The following TMEM165 variants were observed in gnomAD, a reference collection of about 807,000 sequenced individuals.
The protein encoded by TMEM165 is transmembrane protein 165.
TMEM165 carries 19 observed loss-of-function variants against 30.0 expected under a neutral mutation model. The observed-to-expected ratio is 0.63, with a 90% CI of 0.44 to 0.93. The LOEUF (loss-of-function observed/expected upper bound fraction) is 0.93, where lower values mean the gene tolerates loss of function less well. Ranked by LOEUF, TMEM165 falls within the 40% of genes least tolerant of loss-of-function variation. TMEM165 has a pLI of 0.00. For synonymous variants in TMEM165, 168 were observed against 162.9 expected (o/e 1.03, Z -0.24); for missense variants, 340 against 417.0 (o/e 0.82, Z 1.61).
At chr4:55,403,224 GT>G in intron 1 of TMEM165, 3 of 1,282,930 alleles carry the variant, frequency 2.3e-6, no homozygotes, top group African/African-American at 1.5e-5. Flanking sequence ...CTTTGTTTCT[GT>G]TTTTTTGCAG....
chr4:55,421,375 A>G (rs2109560487), intron 4 of TMEM165, among the ~76,000 whole-genome samples: 1 of 134,658 alleles, frequency 7.4e-6, no homozygotes, highest in East Asian at 2.2e-4. Context: ...ATCTCAGCTC[A>G]CCTCAACCTC....
chr4:55,449,409 G>A (rs1724228402), intron 3 of TMEM165: 1 of 1,613,544 alleles, frequency 6.2e-7, no homozygotes, highest in Non-Finnish European at 8.5e-7. Context: ...ACTACTAAAT[G>A]ATGACCTTCT....
chr4:55,409,201 T>A (rs1359895078), intron 1 of TMEM165, among the ~76,000 whole-genome samples: 1 of 152,206 alleles, frequency 6.6e-6, no homozygotes, highest in Non-Finnish European at 1.5e-5. Context: ...GTTAAATTTC[T>A]CCAGTATTTA....
intron 1 of TMEM165, among the ~76,000 whole-genome samples, chr4:55,397,928 A>G (rs1720800235): frequency 6.7e-6 from 1 of 148,430 alleles, no homozygotes; most frequent in Non-Finnish European, 1.5e-5. Context: ...TTTTTTTGAG[A>G]GAGGAGGTCT....
At chr4:55,418,447 CT>C (rs1044974851) in intron 4 of TMEM165, among the ~76,000 whole-genome samples, 1 of 151,330 alleles carries the variant, frequency 6.6e-6, no homozygotes, top group African/African-American at 2.4e-5. Flanking sequence ...TTGCTTGAGC[CT>C]GGGAGGTTGA....
At chr4:55,414,944 T>C (rs1172270463) in intron 2 of TMEM165, among the ~76,000 whole-genome samples, 1 of 152,214 alleles carries the variant, frequency 6.6e-6, no homozygotes, top group Non-Finnish European at 1.5e-5. Flanking sequence ...TTATTCCTCA[T>C]TGGTGACATT....
chr4:55,412,393 C>CAAAAAAAAAAAAAAAAAAAAAA (rs371124857), intron 2 of TMEM165, among the ~76,000 whole-genome samples: 1 of 54,366 alleles, frequency 1.8e-5, no homozygotes, highest in African/African-American at 7.6e-5. Flanking sequence ...GACTCCATCT[C>CAAAAAAAAAAAAAAAAAAAAAA]AAAAAAAAAA....
chr4:55,430,231 A>T (rs1409389828), downstream of TMEM165: 4 of 152,104 alleles, frequency 2.6e-5, no homozygotes, highest in Non-Finnish European at 5.9e-5. Context: ...TGGTGATGGA[A>T]TTTCACTTAG....
At chr4:55,438,217 T>G in intron 3 of TMEM165, 1 of 1,564,414 alleles carries the variant, frequency 6.4e-7, no homozygotes, top group Non-Finnish European at 8.8e-7. Context: ...TCTGTTCACT[T>G]AATGCTTAAT....
intron 3 of TMEM165, chr4:55,449,993 A>G: frequency 7.1e-7 from 1 of 1,409,088 alleles, no homozygotes; most frequent in Non-Finnish European, 9.9e-7. Context: ...AAAAACTTAT[A>G]ATTTTAAAGA....
At chr4:55,396,792 T>C (rs1194576953) in intron 1 of TMEM165, among the ~76,000 whole-genome samples, 2 of 152,162 alleles carry the variant, frequency 1.3e-5, no homozygotes, top group African/African-American at 4.8e-5. Flanking sequence ...CATTTCATTG[T>C]TGAAATAGCT....
At chr4:55,427,178 C>T (rs533359570), downstream of TMEM165, among the ~76,000 whole-genome samples, 32 of 149,742 alleles carry the variant, frequency 2.1e-4, no homozygotes, top group South Asian at 1.3e-3. Context: ...GGATTACAGG[C>T]GTGCACTACC....
intron 3 of TMEM165, chr4:55,450,152 G>C: frequency 6.2e-7 from 1 of 1,614,076 alleles, no homozygotes; most frequent in Non-Finnish European, 8.5e-7. Context: ...AGGCAGAAGG[G>C]GTTGGGCTGT....
chr4:55,448,091 C>T lies in TMEM165; in HGVS notation c.409-4148C>T, dbSNP rs142781712. On this transcript the variant is annotated intron_variant, in intron 3 of 3. Coordinates refer to the TMEM165 transcript ENST00000608091. ...AGTTTTCCTTCACTTCCTCAGGTTGCATTAAGGATTCACACAATCTGCTTA... is the reference window on the plus strand; with the variant it reads ...AGTTTTCCTTCACTTCCTCAGGTTGTATTAAGGATTCACACAATCTGCTTA... Among the ~76,000 whole-genome samples, 412 of 152,240 alleles carry T rather than the reference C, an allele frequency of 2.7e-3. 1 individual carries two copies. Among genetic ancestry groups the T allele is most frequent in the South Asian group, 0.011 (51 of 4,828 alleles).
chr4:55,442,345 TA>T (rs1007365228), intron 3 of TMEM165: 55 of 1,197,732 alleles, frequency 4.6e-5, no homozygotes, highest in Middle Eastern at 2.3e-4. Flanking sequence ...AAAATCACAT[TA>T]AAAAATTTGA....
chr4:55,425,347 G>C, intron 5 of TMEM165, 29 bp from the exon 6 acceptor site: 1 of 1,591,404 alleles, frequency 6.3e-7, no homozygotes, highest in Non-Finnish European at 8.6e-7. Flanking sequence ...GAATTTTACT[G>C]TATTTGACTT....
intron 3 of TMEM165, chr4:55,448,711 A>C (rs934939219): frequency 2.2e-6 from 3 of 1,386,952 alleles, no homozygotes; most frequent in African/African-American, 2.9e-5. Flanking sequence ...ATTTTTAAAA[A>C]AATTACATTA....
chr4:55,400,262 TA>T (rs1353001908), intron 1 of TMEM165, among the ~76,000 whole-genome samples: 1,912 of 89,522 alleles, frequency 0.021, 34 homozygotes, highest in Middle Eastern at 0.061. Context: ...TATATTAATA[TA>T]TAATATATAA....
intron 3 of TMEM165, chr4:55,443,981 A>G: frequency 3.2e-6 from 4 of 1,243,974 alleles, no homozygotes; most frequent in Non-Finnish European, 2.3e-6. Flanking sequence ...ATCAAGCTAC[A>G]AAGTATGTTT....
Sources: gnomAD v4.1 joint callset for allele counts (sites outside exome capture counted in the v4.1 genomes callset) on GRCh38, gnomAD v4.1.1 for gene constraint, MANE v1.5 for transcripts, NCBI Gene and HGNC (gene_info 2026-07-23, HGNC 2026-07-21) for gene names.